Variants in SPOCK1 observed in about 807,000 individuals in gnomAD.
The protein encoded by SPOCK1 is testican-1.
A neutral mutation model predicts 55.3 loss-of-function variants in SPOCK1; 23 were observed. That is an observed-to-expected ratio of 0.42 (90% CI 0.30 to 0.59). The LOEUF is 0.59. Among genes scored for constraint, SPOCK1 ranks in the 20% least tolerant of loss-of-function variants. The pLI is 0.22. For synonymous variants in SPOCK1, 226 were observed against 221.0 expected (o/e 1.02, Z -0.20); for missense variants, 499 against 552.5 (o/e 0.90, Z 0.97).
At chr5:137,160,855 T>C (rs1476820874) in intron 3 of SPOCK1, among the ~76,000 whole-genome samples, 1 of 144,334 alleles carries the variant, frequency 6.9e-6, no homozygotes, top group Admixed American at 7.4e-5. Flanking sequence ...ATTTGATCCA[T>C]CAATCCCACT....
intron 2 of SPOCK1, among the ~76,000 whole-genome samples, chr5:137,468,438 T>C (rs1005187144): frequency 2.0e-5 from 3 of 152,324 alleles, no homozygotes; most frequent in Non-Finnish European, 4.4e-5. Context: ...GTACCAGCCA[T>C]AGAATGACAC....
At chr5:137,296,703 G>T (rs564329469) in intron 2 of SPOCK1, among the ~76,000 whole-genome samples, 1 of 152,186 alleles carries the variant, frequency 6.6e-6, no homozygotes, top group Non-Finnish European at 1.5e-5. Context: ...GACTGGTGGA[G>T]ATGTCCGGAC....
chr5:137,140,908 C>T (rs556766242), intron 3 of SPOCK1, among the ~76,000 whole-genome samples: 80 of 151,834 alleles, frequency 5.3e-4, no homozygotes, highest in African/African-American at 1.9e-3. Flanking sequence ...TAAAGGTGCA[C>T]GCCACCATAC....
chr5:137,483,264 C>T (rs551269122), intron 2 of SPOCK1, among the ~76,000 whole-genome samples: 2 of 152,246 alleles, frequency 1.3e-5, no homozygotes, highest in African/African-American at 2.4e-5. Flanking sequence ...ACCTGGAAGG[C>T]GGAGGTTGCA....
intron 2 of SPOCK1, among the ~76,000 whole-genome samples, chr5:137,414,613 G>A (rs773932737): frequency 3.3e-5 from 5 of 152,074 alleles, no homozygotes; most frequent in Non-Finnish European, 5.9e-5. Context: ...ATACCCTTCT[G>A]GTCATGATTT....
intron 3 of SPOCK1, among the ~76,000 whole-genome samples, chr5:137,198,268 T>G (rs1431122353): frequency 6.6e-6 from 1 of 152,258 alleles, no homozygotes. Flanking sequence ...ATGAATGCAT[T>G]TCTGCATATG....
chr5:137,249,438 C>T (rs954466851), intron 3 of SPOCK1, among the ~76,000 whole-genome samples: 3 of 151,978 alleles, frequency 2.0e-5, no homozygotes, highest in African/African-American at 7.3e-5. Flanking sequence ...TATCAATAGA[C>T]AAATTTTTAT....
chr5:137,082,475 G>T (rs1009482161), intron 5 of SPOCK1, among the ~76,000 whole-genome samples: 1 of 152,184 alleles, frequency 6.6e-6, no homozygotes, highest in Non-Finnish European at 1.5e-5. Context: ...GCAGTCAAGA[G>T]GGGTGAGAAC....
chr5:137,106,046 C>A (rs1753362375), intron 5 of SPOCK1, among the ~76,000 whole-genome samples: 1 of 152,120 alleles, frequency 6.6e-6, no homozygotes, highest in Non-Finnish European at 1.5e-5. Context: ...GACATCTGAG[C>A]TTCAGTCAGG....
intron 2 of SPOCK1, among the ~76,000 whole-genome samples, chr5:137,428,811 T>A (rs1477000136): frequency 6.6e-6 from 1 of 152,080 alleles, no homozygotes; most frequent in African/African-American, 2.4e-5. Flanking sequence ...AAACACTAAA[T>A]CCTATCCATT....
chr5:137,221,110 G>A (rs1324064997), intron 3 of SPOCK1, among the ~76,000 whole-genome samples: 3 of 152,264 alleles, frequency 2.0e-5, no homozygotes, highest in Admixed American at 6.5e-5. Context: ...ACATAAATGG[G>A]GGAGGCATTC....
chr5:137,076,243 C>G (rs1194335217), intron 5 of SPOCK1, among the ~76,000 whole-genome samples: 1 of 152,202 alleles, frequency 6.6e-6, no homozygotes, highest in East Asian at 1.9e-4. Context: ...GAGGCTCCTG[C>G]CTCTGTGCCC....
chr5:137,075,560 C>A (rs1162664691), intron 5 of SPOCK1, among the ~76,000 whole-genome samples: 3 of 152,238 alleles, frequency 2.0e-5, no homozygotes, highest in African/African-American at 4.8e-5. Flanking sequence ...CCTTGTTTAT[C>A]TTGTCAGTGA....
chr5:137,154,861 A>G (rs912865261), intron 3 of SPOCK1, among the ~76,000 whole-genome samples: 5 of 152,174 alleles, frequency 3.3e-5, no homozygotes, highest in Admixed American at 1.3e-4. Context: ...GCAAATCACC[A>G]ACACGTGTGA....
At chr5:137,140,820 G>T in intron 3 of SPOCK1, 126 bp from the exon 4 acceptor site, 1 of 547,150 alleles carries the variant, frequency 1.8e-6, no homozygotes, top group Non-Finnish European at 3.0e-6. Context: ...GTGCGGTGGC[G>T]CGATCTCAGC....
chr5:136,997,251 G>A (rs1187202819), intron 6 of SPOCK1, among the ~76,000 whole-genome samples: 2 of 151,974 alleles, frequency 1.3e-5, no homozygotes, highest in African/African-American at 4.8e-5. Flanking sequence ...ATATTCTCAG[G>A]GCAAACACTT....
At chr5:137,355,313 C>T (rs928973939) in intron 2 of SPOCK1, among the ~76,000 whole-genome samples, 2 of 152,154 alleles carry the variant, frequency 1.3e-5, no homozygotes, top group African/African-American at 4.8e-5. Context: ...CTGCCTCAGC[C>T]TCCAGAGTAG....
At chr5:137,459,523 G>A (rs1753436285) in intron 2 of SPOCK1, among the ~76,000 whole-genome samples, 2 of 149,974 alleles carry the variant, frequency 1.3e-5, no homozygotes, top group Admixed American at 1.3e-4. Context: ...ACTTCTTTTG[G>A]AAACTATCTG....
chr5:137,233,128 C>G (rs183183951), intron 3 of SPOCK1, among the ~76,000 whole-genome samples: 1 of 152,252 alleles, frequency 6.6e-6, no homozygotes, highest in South Asian at 2.1e-4. Context: ...TCATAGAAGA[C>G]AGTTTTTCCA....
Sources: gnomAD v4.1 joint callset for allele counts (sites outside exome capture counted in the v4.1 genomes callset) on GRCh38, gnomAD v4.1.1 for gene constraint, MANE v1.5 for transcripts, NCBI Gene and HGNC (gene_info 2026-07-23, HGNC 2026-07-21) for gene names.